The following SRP68 variants were observed in gnomAD, a reference collection of about 807,000 sequenced individuals.
SRP68 encodes the protein signal recognition particle subunit SRP68.
SRP68 carries 15 observed loss-of-function variants against 82.2 expected under a neutral mutation model. The ratio of observed to expected loss-of-function variants is 0.18; its 90% confidence interval spans 0.12 to 0.28. The LOEUF (loss-of-function observed/expected upper bound fraction) is 0.28, where lower values mean the gene tolerates loss of function less well. Ranked by LOEUF, SRP68 falls within the 10% of genes least tolerant of loss-of-function variation. The pLI is 1.00. For synonymous variants in SRP68, 261 were observed against 292.6 expected, an observed-to-expected ratio of 0.89 and a Z score of 1.10; for missense variants, 595 against 780.5, an observed-to-expected ratio of 0.76 and a Z score of 2.83.
chr17:76,058,710 G>A (rs2066729573), intron 7 of SRP68, among the ~76,000 whole-genome samples: 1 of 152,214 alleles, frequency 6.6e-6, no homozygotes, highest in South Asian at 2.1e-4. Flanking sequence ...TACGCTACAA[G>A]CAGGAATGCT....
chr17:76,060,405 C>T lies in SRP68; in HGVS notation c.755-15G>A. ...TGACTGGTCCCCTAAGAGAGAAAGACAGGAAAATCTTCAAGGGTCTGGTCT... is the reference window on the plus strand; with the variant it reads ...TGACTGGTCCCCTAAGAGAGAAAGATAGGAAAATCTTCAAGGGTCTGGTCT... On this transcript the variant is annotated splice_polypyrimidine_tract_variant and intron_variant, in intron 6 of 15. Coordinates refer to ENST00000307877, the MANE Select transcript of SRP68 (RefSeq NM_014230.4). 1 of 1,603,148 alleles carries T rather than the reference C, an allele frequency of 6.2e-7. No homozygotes were observed. The highest frequency in any genetic ancestry group is 8.5e-7 in the Non-Finnish European group (1 of 1,171,386).
At position 76,039,879 on chromosome 17, in the gene SRP68, G is replaced by C; in HGVS notation, c.1711C>G (p.Gln571Glu). ...FCLDPSLVTK[Q>E]ANLVHFPPGF... ...GGTGGGAAGTGCACAAGGTTGGCTT[G>C]CTTGGTGACAAGGGAAGGGTCCAGG... is the stretch of plus-strand genomic sequence containing the variant. The change falls in exon 16 of 16, where the codon CAA (glutamine) becomes GAA (glutamate). Residue 571 changes from glutamine to glutamate, a missense_variant. Gln to Glu is a conservative substitution (Grantham distance 29). This residue lies in a region of SRP68 where 495 missense variants were observed against 688.6 expected (regional missense o/e 0.72). Transcript: ENST00000307877. 3 of 1,614,240 alleles carry C rather than the reference G, an allele frequency of 1.9e-6. No individual in the cohort carries two copies. The highest frequency in any genetic ancestry group is 2.5e-6 in the Non-Finnish European group (3 of 1,180,048).
intron 8 of SRP68, among the ~76,000 whole-genome samples, chr17:76,055,804 CTTCT>C (rs1470809890): frequency 5.7e-5 from 7 of 123,300 alleles, no homozygotes; most frequent in East Asian, 2.4e-4. Flanking sequence ...ACTTTTTTTT[CTTCT>C]TTTTTTTTTT....
intron 11 of SRP68, 63 bp downstream of exon 11, chr17:76,045,975 T>C (rs1357526012): frequency 1.9e-6 from 3 of 1,601,352 alleles, no homozygotes; most frequent in Admixed American, 3.4e-5. Context: ...GTTAAGTCAC[T>C]TTGTGTCCGA....
intron 9 of SRP68, 108 bp from the exon 10 acceptor site, chr17:76,048,078 C>T (rs758860578): frequency 1.9e-6 from 1 of 530,314 alleles, no homozygotes; most frequent in African/African-American, 2.0e-5. Context: ...TAGACACAAA[C>T]TCTAGTAAGA....
At chr17:76,061,030 C>T in intron 6 of SRP68, 80 bp downstream of exon 6, 1 of 874,552 alleles carries the variant, frequency 1.1e-6, no homozygotes, top group Non-Finnish European at 1.9e-6. Context: ...CATCAACTCT[C>T]TAGGCTCTCT....
chr17:76,056,270 G>T (rs547382281), intron 8 of SRP68, among the ~76,000 whole-genome samples: 1 of 152,206 alleles, frequency 6.6e-6, no homozygotes, highest in African/African-American at 2.4e-5. Context: ...CACTGTCTCT[G>T]CTGTCTGGCA....
intron 2 of SRP68, among the ~76,000 whole-genome samples, chr17:76,069,913 C>T (rs1184691051): frequency 2.0e-5 from 3 of 151,314 alleles, no homozygotes; most frequent in Admixed American, 1.3e-4. Context: ...CCCATCTCTA[C>T]TAAAAATACA....
intron 8 of SRP68, among the ~76,000 whole-genome samples, chr17:76,056,974 C>T (rs956719634): frequency 4.6e-5 from 7 of 152,286 alleles, no homozygotes; most frequent in African/African-American, 1.4e-4. Flanking sequence ...ACACCGCACA[C>T]AAAACAAGAC....
At chr17:76,046,717 G>A (rs754057330) in intron 10 of SRP68, among the ~76,000 whole-genome samples, 94 of 152,204 alleles carry the variant, frequency 6.2e-4, no homozygotes, top group Non-Finnish European at 9.9e-4. Context: ...CGAGGCGGGC[G>A]GATCATGAGG....
chr17:76,049,143 C>A (rs2598434), intron 9 of SRP68: 59,506 of 152,044 alleles, frequency 0.39, 11,892 homozygotes, highest in Admixed American at 0.52. Context: ...GATGGTTGTA[C>A]GTTATGAATG....
Position 76,072,269 on chromosome 17 carries a change from C to G in SRP68, c.184+39G>C. The stretch of plus-strand genomic sequence containing the variant: ...CCGCCCCCAGCCCTCCAGTTCGACA[C>G]GTAATCATTGCGAGTTAGGCCCGAT... On this transcript the variant is annotated intron_variant, in intron 1 of 15. Transcript: ENST00000307877. This position sits in a 1 kb window ranked among gnomAD's most constrained non-coding sequence, Gnocchi z 4.5. 3 of 1,605,194 alleles carry G rather than the reference C, an allele frequency of 1.9e-6. No individual in the cohort carries two copies. The highest frequency in any genetic ancestry group is 1.7e-6 in the Non-Finnish European group (2 of 1,177,288).
At chr17:76,061,441 T>C (rs1010179454) in intron 5 of SRP68, 51 bp downstream of exon 5, 3 of 1,513,808 alleles carry the variant, frequency 2.0e-6, no homozygotes, top group East Asian at 4.5e-5. Context: ...CAGCTTAAAT[T>C]TGACAATCTG....
At position 76,070,398 on chromosome 17, in the gene SRP68, A is replaced by G; in HGVS notation, c.231T>C (p.His77=). ...CTAACCTGTACCTCTGAAAATCTCC[A>G]TGCCGTAAACCATGCTGCTGCTGGG... ...KESQQQHGLR[H]GDFQRYRGYC... The change falls in exon 2 of 16, where the codon CAT becomes CAC. Residue 77 remains histidine, a synonymous_variant. Coordinates refer to ENST00000307877, the MANE Select transcript of SRP68 (RefSeq NM_014230.4). The G allele has an allele frequency of 6.2e-7, 1 of 1,614,068 alleles. No individual in the cohort carries two copies. Among genetic ancestry groups the G allele is most frequent in the South Asian group, 1.1e-5 (1 of 91,084 alleles).
Position 76,039,051 on chromosome 17 carries a change from A to C in SRP68, c.*655T>G, listed in dbSNP as rs1443252504. 4.6e-5 allele frequency: 11 copies of C among 241,356 alleles called. No individual in the cohort carries two copies. The highest frequency in any genetic ancestry group is 2.5e-5 in the Non-Finnish European group (3 of 117,720). 15.0% of individuals were successfully genotyped at this position (241,356 alleles called of 1,614,324 possible). ...CCGGCTTCACGCAACTAGGCTCCCG[A>C]GGAGAGAACGGGGACTGGACATGAG... is the stretch of plus-strand genomic sequence containing the variant. On this transcript the variant is annotated 3_prime_UTR_variant, in exon 16 of 16. Coordinates refer to ENST00000307877, the MANE Select transcript of SRP68 (RefSeq NM_014230.4).
Position 76,072,506 on chromosome 17 carries a change from G to T in SRP68, c.-15C>A, listed in dbSNP as rs767965962. On this transcript the variant is annotated 5_prime_UTR_variant, in exon 1 of 16. Coordinates refer to ENST00000307877, the MANE Select transcript of SRP68 (RefSeq NM_014230.4). The surrounding 1 kb of genome is among the most constrained non-coding windows in gnomAD (Gnocchi z 4.5). ...TCAGCAGCCATCTTGCCCCTGCGCC[G>T]CAGAGCAAGACGGGATAGGGGAGGC... 97 of 1,580,142 alleles carry T rather than the reference G, an allele frequency of 6.1e-5. No homozygotes were observed. The highest frequency in any genetic ancestry group is 2.0e-4 in the Middle Eastern group (1 of 4,928).
chr17:76,072,150 C>G lies in SRP68; in HGVS notation c.184+158G>C. ...AGGAAAGACTAGTCGAGAGACAGAC[C>G]CCCCCCGGAATTCTGAGCACCAAAA... On this transcript the variant is annotated intron_variant, in intron 1 of 15. Coordinates refer to ENST00000307877, the MANE Select transcript of SRP68 (RefSeq NM_014230.4). This position sits in a 1 kb window ranked among gnomAD's most constrained non-coding sequence, Gnocchi z 4.5. 2 of 1,400,918 alleles carry G rather than the reference C, an allele frequency of 1.4e-6. No homozygotes were observed. The highest frequency in any genetic ancestry group is 1.9e-6 in the Non-Finnish European group (2 of 1,038,166). The allele number at this position is 1,400,918 out of a possible 1,614,324, so 86.8% of individuals were successfully genotyped here.
rs1194754787 is a variant in SRP68, at chr17:76,039,039, A to G, written c.*667T>C. 1 of 225,578 alleles carries G rather than the reference A, an allele frequency of 4.4e-6. No individual in the cohort carries two copies. Among genetic ancestry groups the G allele is most frequent in the Admixed American group, 4.8e-5 (1 of 20,834 alleles). The allele number at this position is 225,578 out of a possible 1,614,324, so 14.0% of individuals were successfully genotyped here. On this transcript the variant is annotated 3_prime_UTR_variant, in exon 16 of 16. Coordinates refer to ENST00000307877, the MANE Select transcript of SRP68 (RefSeq NM_014230.4). The stretch of plus-strand genomic sequence containing the variant: ...CACTTGACCTCACCGGCTTCACGCA[A>G]CTAGGCTCCCGAGGAGAGAACGGGG...
chr17:76,070,850 G>GCACATGCACACACACA (rs149422993), intron 1 of SRP68, among the ~76,000 whole-genome samples: 18 of 146,890 alleles, frequency 1.2e-4, no homozygotes, highest in African/African-American at 4.3e-4. Flanking sequence ...ACATGCACAT[G>GCACATGCACACACACA]CACACACACA....
Sources: allele counts gnomAD v4.1 joint callset (sites outside exome capture counted in the v4.1 genomes callset), GRCh38; gene constraint gnomAD v4.1.1; regional missense constraint gnomAD v4.1.1; non-coding constraint Gnocchi (gnomAD v3.1); transcripts MANE v1.5; gene names NCBI Gene and HGNC (gene_info 2026-07-23, HGNC 2026-07-21).